The following SH3BP4 variants were observed in gnomAD, a reference collection of about 807,000 sequenced individuals.
The protein encoded by SH3BP4 is SH3 domain-binding protein 4.
A neutral mutation model predicts 65.5 loss-of-function variants in SH3BP4; 33 were observed. The observed-to-expected ratio is 0.50, with a 90% confidence interval of 0.38 to 0.67. The LOEUF is 0.67. Among genes scored for constraint, SH3BP4 ranks in the 30% least tolerant of loss-of-function variants. The pLI is 0.00. For synonymous variants in SH3BP4, 552 were observed against 545.5 expected (o/e 1.01, Z -0.17); for missense variants, 1,134 against 1,261.4 (o/e 0.90, Z 1.53).
At chr2:234,964,195 G>T (rs1223616247) in intron 1 of SH3BP4, among the ~76,000 whole-genome samples, 1 of 152,142 alleles carries the variant, frequency 6.6e-6, no homozygotes, top group African/African-American at 2.4e-5. Context: ...ACGCCCCAGG[G>T]GCTGCTTAGA....
At chr2:234,956,567 T>A (rs1358846137) in intron 1 of SH3BP4, among the ~76,000 whole-genome samples, 2 of 151,796 alleles carry the variant, frequency 1.3e-5, no homozygotes, top group African/African-American at 4.8e-5. Context: ...CTTTTTTTTT[T>A]TTTTTTGAGT....
At chr2:235,018,271 G>A (rs1269422294) in intron 2 of SH3BP4, among the ~76,000 whole-genome samples, 3 of 152,140 alleles carry the variant, frequency 2.0e-5, no homozygotes, top group Non-Finnish European at 2.9e-5. Flanking sequence ...CCAGAAGCCA[G>A]GGGATTGGGC....
chr2:235,001,931 C>T (rs1403554734), intron 2 of SH3BP4, among the ~76,000 whole-genome samples: 5 of 152,024 alleles, frequency 3.3e-5, no homozygotes, highest in Non-Finnish European at 5.9e-5. Context: ...CGCAATCTCA[C>T]CTCACTGCAA....
intron 1 of SH3BP4, among the ~76,000 whole-genome samples, chr2:234,972,054 A>T (rs893603079): frequency 2.7e-5 from 4 of 150,464 alleles, no homozygotes; most frequent in Admixed American, 2.6e-4. Flanking sequence ...TGACCTCATG[A>T]TCCACCCGTC....
At position 235,010,521 on chromosome 2, in the gene SH3BP4, T is replaced by G. The variant is rs115085952; in HGVS notation, c.-133+15145T>G. Among the ~76,000 whole-genome samples the G allele has an allele frequency of 5.5e-3, 843 of 152,308 alleles. 8 individuals carry two copies. Among genetic ancestry groups the G allele is most frequent in the African/African-American group, 0.019 (800 of 41,566 alleles). ...GGGCACTTGTGATACACAAATGAAT[T>G]AACACATTGAAAGCTTTTAGAATGG... On this transcript the variant is annotated intron_variant, in intron 2 of 5. Coordinates refer to ENST00000392011, the MANE Select transcript of SH3BP4 (RefSeq NM_014521.3).
chr2:234,988,888 G>A (rs760160932), intron 1 of SH3BP4, among the ~76,000 whole-genome samples: 1 of 152,182 alleles, frequency 6.6e-6, no homozygotes, highest in Non-Finnish European at 1.5e-5. Flanking sequence ...GAAATTTTAT[G>A]TAATTACAGG....
In SH3BP4 at chr2:235,030,868, T is replaced by A. The variant is rs1695163139; in HGVS notation, c.-132-4003T>A. 6.6e-6 allele frequency among the ~76,000 whole-genome samples: 1 copy of A among 152,096 alleles called. No individual in the cohort carries two copies. Among genetic ancestry groups the A allele is most frequent in the Non-Finnish European group, 1.5e-5 (1 of 67,998 alleles). The stretch of plus-strand genomic sequence containing the variant: ...GGAGTGGAGAGCCCTCTGCACTCAG[T>A]CCACACCAGGGCTGGCTGCCCTCTT... On this transcript the variant is annotated intron_variant, in intron 2 of 5. Coordinates refer to ENST00000392011, the MANE Select transcript of SH3BP4 (RefSeq NM_014521.3). This position sits in a 1 kb window ranked among gnomAD's most constrained non-coding sequence, Gnocchi z 4.1.
At chr2:235,036,736 T>TAAAAAA (rs892360274) in intron 3 of SH3BP4, among the ~76,000 whole-genome samples, 6 of 39,140 alleles carry the variant, frequency 1.5e-4, no homozygotes, top group East Asian at 3.7e-3. Context: ...AGACTCTATA[T>TAAAAAA]AAAAAATAAT....
intron 2 of SH3BP4, among the ~76,000 whole-genome samples, chr2:235,022,954 T>C (rs543232078): frequency 1.2e-4 from 19 of 152,306 alleles, no homozygotes; most frequent in African/African-American, 4.1e-4. Context: ...ACCTTGTCCC[T>C]CCTCACATCT....
chr2:234,971,018 A>G (rs1692984305), intron 1 of SH3BP4, among the ~76,000 whole-genome samples: 1 of 152,202 alleles, frequency 6.6e-6, no homozygotes, highest in African/African-American at 2.4e-5. Context: ...GCCTTTAAAA[A>G]AATTCTAAAA....
At chr2:235,032,321 G>A (rs527357610) in intron 2 of SH3BP4, among the ~76,000 whole-genome samples, 10 of 152,354 alleles carry the variant, frequency 6.6e-5, no homozygotes, top group African/African-American at 1.9e-4. Flanking sequence ...AACTGTCACC[G>A]TCACACGTGA....
intron 4 of SH3BP4, among the ~76,000 whole-genome samples, chr2:235,048,703 C>T (rs1284940312): frequency 6.6e-6 from 1 of 152,220 alleles, no homozygotes; most frequent in East Asian, 1.9e-4. Context: ...CTGTCAATGG[C>T]GTTTTGTTGG....
chr2:235,044,560 C>T (rs933811566), intron 4 of SH3BP4, among the ~76,000 whole-genome samples: 18 of 152,230 alleles, frequency 1.2e-4, no homozygotes, highest in African/African-American at 3.9e-4. Context: ...GTGACCTTGG[C>T]GTGTGCCGCT....
intron 3 of SH3BP4, among the ~76,000 whole-genome samples, chr2:235,036,508 C>A (rs966218017): frequency 2.0e-5 from 3 of 152,040 alleles, no homozygotes; most frequent in African/African-American, 7.3e-5. Context: ...GTAATCCCAG[C>A]ACTTTAGGAG....
In SH3BP4 at chr2:235,052,672, G is replaced by T; in HGVS notation, c.2589G>T (p.Lys863Asn). 1 of 1,599,912 alleles carries T rather than the reference G, an allele frequency of 6.3e-7. No homozygotes were observed. The highest frequency in any genetic ancestry group is 8.5e-7 in the Non-Finnish European group (1 of 1,173,806). ...AGCGCTGGCGGGAGCTGGCTGAGAAGCTGGCCAAGGTCTCCAAGCAGCAGA... is the reference window on the plus strand; with the variant it reads ...AGCGCTGGCGGGAGCTGGCTGAGAATCTGGCCAAGGTCTCCAAGCAGCAGA... ...VAQRWRELAE[K>N]LAKVSKQQMD... The change falls in exon 5 of 6, where the codon AAG (lysine) becomes AAT (asparagine). Residue 863 changes from lysine to asparagine, a missense_variant. Lys to Asn is a moderately conservative substitution (Grantham distance 94). Coordinates refer to ENST00000392011, the MANE Select transcript of SH3BP4 (RefSeq NM_014521.3). This position sits in a 1 kb window ranked among gnomAD's most constrained non-coding sequence, Gnocchi z 5.0.
chr2:235,049,556 C>T (rs1286056729), intron 4 of SH3BP4, among the ~76,000 whole-genome samples: 25 of 152,192 alleles, frequency 1.6e-4, no homozygotes, highest in Admixed American at 1.6e-3. Flanking sequence ...GATCTGACAG[C>T]CTACCAGCTA....
At chr2:234,986,970 C>G (rs1448478566) in intron 1 of SH3BP4, among the ~76,000 whole-genome samples, 1 of 152,008 alleles carries the variant, frequency 6.6e-6, no homozygotes, top group Non-Finnish European at 1.5e-5. Context: ...TGAGGTTTCA[C>G]CATGTTGGTC....
At chr2:234,999,521 C>T (rs1284316764) in intron 2 of SH3BP4, among the ~76,000 whole-genome samples, 1 of 152,096 alleles carries the variant, frequency 6.6e-6, no homozygotes, top group Non-Finnish European at 1.5e-5. Context: ...CGGAAGGGCA[C>T]CTGGATGCGT....
chr2:235,032,781 G>C (rs1310074039), intron 2 of SH3BP4, among the ~76,000 whole-genome samples: 1 of 152,042 alleles, frequency 6.6e-6, no homozygotes, highest in Non-Finnish European at 1.5e-5. Flanking sequence ...GGGGTGGAAG[G>C]AGGCCTCCTC....
Sources: allele counts gnomAD v4.1 joint callset (sites outside exome capture counted in the v4.1 genomes callset), GRCh38; gene constraint gnomAD v4.1.1; non-coding constraint Gnocchi (gnomAD v3.1); transcripts MANE v1.5; gene names NCBI Gene and HGNC (gene_info 2026-07-23, HGNC 2026-07-21).